The following NXPE4 variants were observed in gnomAD, a reference collection of about 807,000 sequenced individuals.
NXPE4 encodes NXPE family member 4.
NXPE4 carries 42 observed loss-of-function variants against 33.3 expected under a neutral mutation model. The ratio of observed to expected loss-of-function variants is 1.26; its 90% CI spans 0.98 to 1.63. NXPE4 has a LOEUF of 1.63. Among genes scored for constraint, NXPE4 ranks in the 40% most tolerant of loss-of-function variants. The pLI, the probability that NXPE4 is intolerant of heterozygous loss-of-function variation, is 0.00. For missense variants in NXPE4, 709 were observed against 647.6 expected, an observed-to-expected ratio of 1.09 and a Z score of -1.03; for synonymous variants, 253 against 234.9, an observed-to-expected ratio of 1.08 and a Z score of -0.71.
the NXPE4 span, among the ~76,000 whole-genome samples, chr11:114,643,901 AG>A: frequency 2.0e-5 from 3 of 151,984 alleles, no homozygotes; most frequent in African/African-American, 4.8e-5. Context: ...ATGAGCATGG[AG>A]TGTTTTTCCA....
the NXPE4 span, among the ~76,000 whole-genome samples, chr11:114,626,863 G>A: frequency 1.6e-4 from 24 of 152,190 alleles, no homozygotes; most frequent in African/African-American, 2.9e-4. Context: ...CGAGAACTAC[G>A]TGAAGAATGC....
At chr11:114,673,894 A>C in the NXPE4 span, among the ~76,000 whole-genome samples, 4 of 151,818 alleles carry the variant, frequency 2.6e-5, no homozygotes, top group African/African-American at 9.7e-5. Flanking sequence ...TTCAGGATAC[A>C]CATCTCTCCT....
chr11:114,635,962 G>A, the NXPE4 span, among the ~76,000 whole-genome samples: 1 of 152,034 alleles, frequency 6.6e-6, no homozygotes, highest in South Asian at 2.1e-4. Flanking sequence ...TTTGGTATCA[G>A]GATGATGCTG....
chr11:114,585,594 CGT>C lies in NXPE4; in HGVS notation c.97-2575_97-2574del, dbSNP rs113059599. Reference sequence around the variant, plus strand: ...CAAGAGAAAATGACAAATATATGTACGTGTGTGTGTGTGTGTATATATATGTA... The same window carrying C: ...CAAGAGAAAATGACAAATATATGTACGTGTGTGTGTGTGTATATATATGTA... On this transcript the variant is annotated intron_variant, in intron 2 of 5. Coordinates refer to ENST00000375478, the MANE Select transcript of NXPE4 (RefSeq NM_001077639.2). 3.2e-3 allele frequency among the ~76,000 whole-genome samples: 483 copies of C among 150,844 alleles called. 1 individual carries two copies. Among genetic ancestry groups the C allele is most frequent in the Admixed American group, 9.4e-3 (142 of 15,132 alleles).
chr11:114,641,598 T>C, the NXPE4 span, among the ~76,000 whole-genome samples: 2 of 151,986 alleles, frequency 1.3e-5, no homozygotes, highest in Middle Eastern at 3.4e-3. Context: ...AAGTCAAGAA[T>C]AGGAAGAGAA....
the NXPE4 span, among the ~76,000 whole-genome samples, chr11:114,633,314 A>T: frequency 1.4e-5 from 2 of 139,966 alleles, no homozygotes; most frequent in Non-Finnish European, 3.0e-5. Context: ...AAAATATATA[A>T]TTATATTATG....
the NXPE4 span, among the ~76,000 whole-genome samples, chr11:114,621,416 A>G: frequency 6.6e-6 from 1 of 152,130 alleles, no homozygotes; most frequent in Non-Finnish European, 1.5e-5. Flanking sequence ...TACCCTGTGG[A>G]TAATAAGTAT....
rs1948877120 is a variant in NXPE4, at chr11:114,571,250, G to C, written c.1323C>G (p.Pro441=). The C allele has an allele frequency of 1.2e-6, 2 of 1,614,032 alleles. No individual in the cohort carries two copies. Among genetic ancestry groups the C allele is most frequent in the Middle Eastern group, 1.7e-4 (1 of 6,056 alleles). The change falls in exon 6 of 6, where the codon CCC becomes CCG. Residue 441 remains proline, a synonymous_variant. Coordinates refer to ENST00000375478, the MANE Select transcript of NXPE4 (RefSeq NM_001077639.2). ...TTCGGATAAAAACATCAATGGGAAA[G>C]GGTCTGAAATGCTGGCCCAGGGAAA... ...IVISLGQHFR[P]FPIDVFIRRA...
chr11:114,615,029 G>C, the NXPE4 span, among the ~76,000 whole-genome samples: 5 of 145,756 alleles, frequency 3.4e-5, no homozygotes, highest in Non-Finnish European at 6.1e-5. Context: ...TGGGTAACCA[G>C]TGTTACCCAC....
chr11:114,599,409 C>T (rs982410472), upstream of NXPE4, among the ~76,000 whole-genome samples: 2 of 152,130 alleles, frequency 1.3e-5, no homozygotes, highest in Non-Finnish European at 2.9e-5. Context: ...CTTCTGGGCC[C>T]TCCACCCTCT....
chr11:114,583,154 A>C, intron 2 of NXPE4, 133 bp from the exon 3 acceptor site: 1 of 956,694 alleles, frequency 1.0e-6, no homozygotes, highest in Non-Finnish European at 1.6e-6. Flanking sequence ...TTGAATATTG[A>C]TTTACATACT....
chr11:114,587,599 T>G (rs1368346190), intron 2 of NXPE4, among the ~76,000 whole-genome samples: 1 of 152,200 alleles, frequency 6.6e-6, no homozygotes, highest in African/African-American at 2.4e-5. Flanking sequence ...TTCATTGCTA[T>G]GGGTTATGCT....
At chr11:114,617,813 A>G in the NXPE4 span, among the ~76,000 whole-genome samples, 1 of 152,096 alleles carries the variant, frequency 6.6e-6, no homozygotes, top group Admixed American at 6.6e-5. Context: ...ATGGATAATA[A>G]GTGTTGCCTC....
rs769071982 is a variant in NXPE4 at position 114,582,390 on chromosome 11, C to T, written c.728G>A (p.Cys243Tyr). 10 of 1,614,072 alleles carry T rather than the reference C, an allele frequency of 6.2e-6. No individual in the cohort carries two copies. Among genetic ancestry groups the T allele is most frequent in the South Asian group, 2.2e-5 (2 of 91,090 alleles). The change falls in exon 3 of 6, where the codon TGT (cysteine) becomes TAT (tyrosine). Residue 243 changes from cysteine (C) to tyrosine (Y), a missense_variant. Coordinates refer to ENST00000375478, the MANE Select transcript of NXPE4 (RefSeq NM_001077639.2). ...LDNRDQEGFY[C>Y]VRPQHMPCAA... ...ACAGGGCATGTGTTGAGGCCTCACA[C>T]AGTAGAAGCCTTCTTGGTCTCTGTT...
chr11:114,621,765 C>A, the NXPE4 span, among the ~76,000 whole-genome samples: 1 of 152,048 alleles, frequency 6.6e-6, no homozygotes, highest in South Asian at 2.1e-4. Flanking sequence ...ATAGGTATTG[C>A]CTCATGGGTA....
the NXPE4 span, among the ~76,000 whole-genome samples, chr11:114,675,687 C>T: frequency 6.6e-6 from 1 of 151,862 alleles, no homozygotes; most frequent in Non-Finnish European, 1.5e-5. Context: ...AAACATTCTA[C>T]AGATTTAACG....
chr11:114,605,600 A>G, the NXPE4 span, among the ~76,000 whole-genome samples: 1 of 151,860 alleles, frequency 6.6e-6, no homozygotes, highest in Non-Finnish European at 1.5e-5. Context: ...GTCGGTAACC[A>G]CTGTTACCCG....
chr11:114,614,457 C>A, the NXPE4 span, among the ~76,000 whole-genome samples: 4 of 151,776 alleles, frequency 2.6e-5, no homozygotes, highest in Non-Finnish European at 5.9e-5. Flanking sequence ...CCACTGTTAC[C>A]CGCTGGATGA....
intron 2 of NXPE4, among the ~76,000 whole-genome samples, chr11:114,590,870 AC>A (rs1302570816): frequency 2.0e-5 from 3 of 152,116 alleles, no homozygotes; most frequent in Admixed American, 6.6e-5. Context: ...TTTATGGGGA[AC>A]CTTTGGCTAA....
Sources: gnomAD v4.1 joint callset for allele counts (sites outside exome capture counted in the v4.1 genomes callset) on GRCh38, gnomAD v4.1.1 for gene constraint, MANE v1.5 for transcripts, NCBI Gene and HGNC (gene_info 2026-07-23, HGNC 2026-07-21) for gene names.